The following CDH13 variants were observed in gnomAD, a reference collection of about 807,000 sequenced individuals.
The protein encoded by CDH13 is cadherin 13.
A neutral mutation model predicts 63.8 loss-of-function variants in CDH13; 24 were observed. That is an observed-to-expected ratio of 0.38 (90% CI 0.27 to 0.53). The LOEUF is 0.53. Among genes scored for constraint, CDH13 ranks in the 20% least tolerant of loss-of-function variants. The pLI is 0.85. For missense variants in CDH13, 1,049 were observed against 903.1 expected (o/e 1.16, Z -2.07); for synonymous variants, 503 against 355.3 (o/e 1.42, Z -4.67).
rs1465128703 is a variant in CDH13 at position 83,047,291 on chromosome 16, T to A, written c.366+15073T>A. Among the ~76,000 whole-genome samples the A allele has an allele frequency of 6.6e-6, 1 of 152,198 alleles. No homozygotes were observed. The highest frequency in any genetic ancestry group is 2.4e-5 in the African/African-American group (1 of 41,446). ...AGGCCTCTGCTGTGAATTTAAGTCATCTAATCAAAATGCATTATTTCTGTC... is the reference window on the plus strand; with the variant it reads ...AGGCCTCTGCTGTGAATTTAAGTCAACTAATCAAAATGCATTATTTCTGTC... On this transcript the variant is annotated intron_variant, in intron 3 of 13. Transcript: ENST00000567109. This position sits in a 1 kb window ranked among gnomAD's most constrained non-coding sequence, Gnocchi z 4.9.
chr16:83,057,673 G>A (rs2031087288), intron 3 of CDH13, among the ~76,000 whole-genome samples: 1 of 151,462 alleles, frequency 6.6e-6, no homozygotes, highest in Admixed American at 6.6e-5. Flanking sequence ...CCAGTTTCTA[G>A]CCTTTCTTCC....
chr16:82,696,659 A>G (rs1370181869), intron 1 of CDH13, among the ~76,000 whole-genome samples: 6 of 152,206 alleles, frequency 3.9e-5, no homozygotes, highest in Non-Finnish European at 7.3e-5. Context: ...ATGTCCCATG[A>G]TTTCTTCAAC....
chr16:82,646,413 C>G (rs1427658944), intron 1 of CDH13: 1 of 152,170 alleles, frequency 6.6e-6, no homozygotes, highest in South Asian at 2.1e-4. Flanking sequence ...AGGCTGATTT[C>G]AAACTCCTGA....
chr16:83,049,027 C>T (rs891923975), intron 3 of CDH13, among the ~76,000 whole-genome samples: 1 of 152,142 alleles, frequency 6.6e-6, no homozygotes, highest in South Asian at 2.1e-4. Flanking sequence ...GCTGATTTCC[C>T]TCAACTGTTT....
intron 3 of CDH13, among the ~76,000 whole-genome samples, chr16:83,076,591 T>G (rs1431077987): frequency 6.6e-6 from 1 of 152,134 alleles, no homozygotes; most frequent in Non-Finnish European, 1.5e-5. Flanking sequence ...ACAGTTTACA[T>G]TTGACATTTC....
intron 7 of CDH13, among the ~76,000 whole-genome samples, chr16:83,510,276 G>C (rs764778605): frequency 6.6e-6 from 1 of 152,070 alleles, no homozygotes; most frequent in Non-Finnish European, 1.5e-5. Flanking sequence ...CTCCGAGATG[G>C]AGAGAGAACA....
intron 2 of CDH13, among the ~76,000 whole-genome samples, chr16:82,901,731 T>A (rs1488876603): frequency 6.6e-6 from 1 of 152,202 alleles, no homozygotes; most frequent in Non-Finnish European, 1.5e-5. Flanking sequence ...ATTACATAGA[T>A]AAAATGGATA....
chr16:83,270,112 A>G (rs1214852570), intron 5 of CDH13, among the ~76,000 whole-genome samples: 1 of 152,204 alleles, frequency 6.6e-6, no homozygotes, highest in African/African-American at 2.4e-5. Flanking sequence ...AATTTCCACA[A>G]TATACCAGCA....
At chr16:83,528,370 A>G (rs911978670) in intron 7 of CDH13, among the ~76,000 whole-genome samples, 9 of 152,188 alleles carry the variant, frequency 5.9e-5, no homozygotes, top group Admixed American at 2.6e-4. Context: ...TTATTTTTCC[A>G]TTAAGTCTTC....
chr16:82,739,249 A>G (rs2033823943), intron 1 of CDH13, among the ~76,000 whole-genome samples: 3 of 152,194 alleles, frequency 2.0e-5, no homozygotes, highest in African/African-American at 4.8e-5. Context: ...TCCTTTTCAG[A>G]TGATATGCCC....
At chr16:83,020,757 A>T (rs757235173) in intron 2 of CDH13, among the ~76,000 whole-genome samples, 1 of 152,164 alleles carries the variant, frequency 6.6e-6, no homozygotes, top group African/African-American at 2.4e-5. Context: ...TCCTCCTCAG[A>T]GGCCCCCTTC....
chr16:83,290,344 G>C (rs190582260), intron 5 of CDH13, among the ~76,000 whole-genome samples: 496 of 152,216 alleles, frequency 3.3e-3, no homozygotes, highest in Non-Finnish European at 5.6e-3. Context: ...ATCCCCTCGT[G>C]TCATGGGAGG....
intron 1 of CDH13, among the ~76,000 whole-genome samples, chr16:82,796,004 A>G (rs906350489): frequency 1.3e-5 from 2 of 150,220 alleles, no homozygotes; most frequent in Non-Finnish European, 1.5e-5. Flanking sequence ...TTTTTCAAGA[A>G]TGCTTTTGGG....
chr16:83,712,237 C>G (rs1386624588), intron 10 of CDH13, among the ~76,000 whole-genome samples: 1 of 152,142 alleles, frequency 6.6e-6, no homozygotes, highest in Non-Finnish European at 1.5e-5. Context: ...TTTGGCAGCA[C>G]CTTTTAAAAG....
In CDH13 at chr16:83,678,240, C is replaced by T. The variant is rs771790729; in HGVS notation, c.1317C>T (p.Thr439=). 4 of 1,613,592 alleles carry T rather than the reference C, an allele frequency of 2.5e-6. No individual in the cohort carries two copies. Among genetic ancestry groups the T allele is most frequent in the Non-Finnish European group, 3.4e-6 (4 of 1,179,716 alleles). Reference sequence around the variant, plus strand: ...ACTATGAAATTTCTGCCTTCCACACCCTGCTGATCAAAGTGGAAAATGAAG... The same window carrying T: ...ACTATGAAATTTCTGCCTTCCACACTCTGCTGATCAAAGTGGAAAATGAAG... ...PLDYEISAFH[T]LLIKVENEDP... Residue 439 remains threonine (T), a synonymous_variant, in exon 10 of 14, where the codon ACC becomes ACT. Coordinates refer to ENST00000567109, the MANE Select transcript of CDH13 (RefSeq NM_001257.5).
chr16:83,168,647 G>C (rs2037790748), intron 4 of CDH13, among the ~76,000 whole-genome samples: 1 of 150,120 alleles, frequency 6.7e-6, no homozygotes, highest in African/African-American at 2.4e-5. Flanking sequence ...CTCAGAGATA[G>C]CTTCTGATAA....
At chr16:82,708,807 A>G (rs1423388719) in intron 1 of CDH13, among the ~76,000 whole-genome samples, 9 of 152,152 alleles carry the variant, frequency 5.9e-5, no homozygotes. Flanking sequence ...TGACCCAAAC[A>G]CAACTTGCAC....
At chr16:82,628,995 G>A (rs947625642) in intron 1 of CDH13, among the ~76,000 whole-genome samples, 8 of 152,328 alleles carry the variant, frequency 5.3e-5, no homozygotes, top group African/African-American at 2.4e-5. Flanking sequence ...GGGAGCTGTC[G>A]GTGTCTGAGA....
At chr16:83,794,884 A>G (rs1567601413) in intron 13 of CDH13, 139 bp from the exon 14 acceptor site, 17 of 771,784 alleles carry the variant, frequency 2.2e-5, no homozygotes, top group Admixed American at 4.2e-5. Flanking sequence ...TCCTTAAGGA[A>G]AAAAAAAATT....
Sources: allele counts gnomAD v4.1 joint callset (sites outside exome capture counted in the v4.1 genomes callset), GRCh38; gene constraint gnomAD v4.1.1; non-coding constraint Gnocchi (gnomAD v3.1); transcripts MANE v1.5; gene names NCBI Gene and HGNC (gene_info 2026-07-23, HGNC 2026-07-21).